C8orf34: variants seen among roughly 807,000 people sequenced by gnomAD.
C8orf34 encodes the protein uncharacterized protein C8orf34.
Under a neutral mutation model 68.3 loss-of-function variants are expected in C8orf34, and 65 were observed. The observed-to-expected ratio is 0.95, with a 90% CI of 0.78 to 1.17. The LOEUF (loss-of-function observed/expected upper bound fraction) is 1.17. Ranked by LOEUF, C8orf34 falls within the 50% of genes most tolerant of loss-of-function variation. C8orf34 has a pLI of 0.00. For missense variants in C8orf34, 664 were observed against 655.4 expected (o/e 1.01, Z -0.14); for synonymous variants, 244 against 241.2 (o/e 1.01, Z -0.11).
chr8:68,350,507 A>G (rs1396462367), intron 1 of C8orf34, among the ~76,000 whole-genome samples: 2 of 151,940 alleles, frequency 1.3e-5, no homozygotes, highest in African/African-American at 2.4e-5. Flanking sequence ...TACCTTCATG[A>G]TCTGTCTAAT....
intron 12 of C8orf34, among the ~76,000 whole-genome samples, chr8:68,793,015 A>G (rs1407412411): frequency 6.6e-6 from 1 of 152,142 alleles, no homozygotes; most frequent in Non-Finnish European, 1.5e-5. Flanking sequence ...TAAGCTGCAT[A>G]TAGTACAATC....
At chr8:68,542,978 G>A (rs2129956816) in intron 7 of C8orf34, among the ~76,000 whole-genome samples, 1 of 152,066 alleles carries the variant, frequency 6.6e-6, no homozygotes, top group Admixed American at 6.6e-5. Flanking sequence ...TATTTTCCAA[G>A]TTGTATTATT....
chr8:68,335,078 C>T (rs1238895385), intron 1 of C8orf34, among the ~76,000 whole-genome samples: 1 of 152,014 alleles, frequency 6.6e-6, no homozygotes, highest in African/African-American at 2.4e-5. Flanking sequence ...TTCGTTGTTC[C>T]CCCTCTCATA....
At chr8:68,588,986 A>C (rs1817287588) in intron 7 of C8orf34, among the ~76,000 whole-genome samples, 1 of 152,170 alleles carries the variant, frequency 6.6e-6, no homozygotes, top group Non-Finnish European at 1.5e-5. Flanking sequence ...ATGTGTTCCC[A>C]AAATATTTTA....
At chr8:68,793,821 T>C (rs11993238) in intron 12 of C8orf34, among the ~76,000 whole-genome samples, 5,838 of 152,048 alleles carry the variant, frequency 0.038, 311 homozygotes, top group African/African-American at 0.11. Flanking sequence ...AAAATAAAAG[T>C]TGAAGATTAA....
At chr8:68,686,582 A>G (rs900906486) in intron 8 of C8orf34, among the ~76,000 whole-genome samples, 1 of 152,120 alleles carries the variant, frequency 6.6e-6, no homozygotes, top group Non-Finnish European at 1.5e-5. Flanking sequence ...GCATCCTTTT[A>G]TGATCAAAAG....
At chr8:68,794,501 A>ATTT (rs1376098308) in intron 12 of C8orf34, among the ~76,000 whole-genome samples, 1 of 81,922 alleles carries the variant, frequency 1.2e-5, no homozygotes, top group African/African-American at 7.5e-5. Flanking sequence ...ATATATATAT[A>ATTT]TATATTTTTT....
intron 10 of C8orf34, among the ~76,000 whole-genome samples, chr8:68,775,611 T>C (rs1823491957): frequency 6.6e-6 from 1 of 152,190 alleles, no homozygotes; most frequent in Non-Finnish European, 1.5e-5. Context: ...GATATAAAGG[T>C]TAATTGTCTG....
intron 10 of C8orf34, among the ~76,000 whole-genome samples, chr8:68,739,368 C>T (rs1171230039): frequency 1.3e-5 from 2 of 151,430 alleles, no homozygotes; most frequent in African/African-American, 4.8e-5. Flanking sequence ...AGAGCTCCTT[C>T]AGCTGAGAAA....
At chr8:68,486,820 G>C (rs981445664) in intron 4 of C8orf34, among the ~76,000 whole-genome samples, 1 of 152,116 alleles carries the variant, frequency 6.6e-6, no homozygotes, top group African/African-American at 2.4e-5. Context: ...TTTGTAGTCT[G>C]CTGAACTTCA....
At chr8:68,744,195 AAC>A (rs1822400606) in intron 10 of C8orf34, among the ~76,000 whole-genome samples, 1 of 152,096 alleles carries the variant, frequency 6.6e-6, no homozygotes, top group Non-Finnish European at 1.5e-5. Flanking sequence ...AAGGAAAACT[AAC>A]AAACAGAAAG....
At chr8:68,747,565 A>T (rs1175441037) in intron 10 of C8orf34, among the ~76,000 whole-genome samples, 1 of 151,232 alleles carries the variant, frequency 6.6e-6, no homozygotes, top group Non-Finnish European at 1.5e-5. Context: ...ATGTACAAAA[A>T]TCACAAGCAT....
intron 3 of C8orf34, among the ~76,000 whole-genome samples, chr8:68,459,282 T>C (rs1246441227): frequency 6.6e-6 from 1 of 152,224 alleles, no homozygotes; most frequent in East Asian, 1.9e-4. Flanking sequence ...CAGGCTGGAG[T>C]GCAGTGGCAT....
chr8:68,551,418 A>G (rs1816066846), intron 7 of C8orf34, among the ~76,000 whole-genome samples: 1 of 151,858 alleles, frequency 6.6e-6, no homozygotes, highest in Non-Finnish European at 1.5e-5. Context: ...CTTTCATGCT[A>G]TCTACTTTAT....
intron 1 of C8orf34, among the ~76,000 whole-genome samples, chr8:68,412,084 T>C (rs182545012): frequency 8.5e-5 from 13 of 152,304 alleles, no homozygotes; most frequent in African/African-American, 2.4e-4. Flanking sequence ...TACCAGACAC[T>C]GAACTTGCTG....
In C8orf34 at chr8:68,505,600, G is replaced by A. The variant is rs529240955; in HGVS notation, c.766-16199G>A. ...CAAAAAATTAGCCGGGCGCGGTGGCGGGCGCCTGTAGTCCCAGCTACTCGG... is the reference window on the plus strand; with the variant it reads ...CAAAAAATTAGCCGGGCGCGGTGGCAGGCGCCTGTAGTCCCAGCTACTCGG... On this transcript the variant is annotated intron_variant, in intron 5 of 13. Coordinates refer to ENST00000518698, the MANE Select transcript of C8orf34 (RefSeq NM_052958.4). Among the ~76,000 whole-genome samples the A allele has an allele frequency of 4.4e-3, 584 of 133,094 alleles. 178 individuals carry two copies. The highest frequency in any genetic ancestry group is 0.021 in the African/African-American group (561 of 27,146). 87.3% of individuals were successfully genotyped at this position (133,094 alleles called of 152,430 possible).
At chr8:68,736,729 T>C (rs1822132511) in intron 10 of C8orf34, among the ~76,000 whole-genome samples, 1 of 152,194 alleles carries the variant, frequency 6.6e-6, no homozygotes, top group Non-Finnish European at 1.5e-5. Flanking sequence ...AAAATCATCC[T>C]GAGAACTTTT....
chr8:68,618,584 A>C (rs1818298204), intron 7 of C8orf34, among the ~76,000 whole-genome samples: 1 of 79,576 alleles, frequency 1.3e-5, no homozygotes, highest in Admixed American at 1.2e-4. Context: ...CCTGGGCTCA[A>C]GTGAAACTCC....
intron 10 of C8orf34, among the ~76,000 whole-genome samples, chr8:68,732,967 G>T (rs757487789): frequency 6.6e-6 from 1 of 152,142 alleles, no homozygotes; most frequent in Non-Finnish European, 1.5e-5. Context: ...GGGAGGCTGA[G>T]ACAGGAGAAC....
Sources: gnomAD v4.1 joint callset for allele counts (sites outside exome capture counted in the v4.1 genomes callset) on GRCh38, gnomAD v4.1.1 for gene constraint, MANE v1.5 for transcripts, NCBI Gene and HGNC (gene_info 2026-07-23, HGNC 2026-07-21) for gene names.